ATP8A2: variants seen among roughly 807,000 people sequenced by gnomAD.
ATP8A2 encodes the protein phospholipid-transporting ATPase IB.
ATP8A2 carries 100 observed loss-of-function variants against 165.6 expected under a neutral mutation model. The ratio of observed to expected loss-of-function variants is 0.60; its 90% CI spans 0.51 to 0.71. The LOEUF is 0.71. Among genes scored for constraint, ATP8A2 ranks in the 30% least tolerant of loss-of-function variants. The pLI is 0.00. For missense variants in ATP8A2, 1,227 were observed against 1,479.5 expected (o/e 0.83, Z 2.80); for synonymous variants, 543 against 548.8 (o/e 0.99, Z 0.15).
chr13:25,839,698 T>C, intron 30 of ATP8A2, 74 bp downstream of exon 30: 1 of 1,280,438 alleles, frequency 7.8e-7, no homozygotes, highest in Non-Finnish European at 1.1e-6. Flanking sequence ...TCACAATTTT[T>C]TTTTCCAGTT....
chr13:25,859,150 C>T (rs1005955309), intron 30 of ATP8A2, among the ~76,000 whole-genome samples: 5 of 151,788 alleles, frequency 3.3e-5, no homozygotes, highest in Non-Finnish European at 2.9e-5. Context: ...TGCAGTGACC[C>T]GAGATTGTAC....
rs529300576 is a variant in ATP8A2, at chr13:25,424,150, A to G, written c.77-44827A>G. 1.3e-4 allele frequency among the ~76,000 whole-genome samples: 20 copies of G among 152,236 alleles called. 2 individuals are homozygous for G. The South Asian group carries it at 4.0e-3, about 30-fold the overall frequency. Reference sequence around the variant, plus strand: ...GGACCTTCTGTGACATGCTCAGGAGAAGAAACCTCTTCTGTGGGCCCAGCA... The same window carrying G: ...GGACCTTCTGTGACATGCTCAGGAGGAGAAACCTCTTCTGTGGGCCCAGCA... On this transcript the variant is annotated intron_variant, in intron 1 of 36. Coordinates refer to ENST00000381655, the MANE Select transcript of ATP8A2 (RefSeq NM_016529.6).
At chr13:25,779,437 G>T (rs984865725) in intron 27 of ATP8A2, among the ~76,000 whole-genome samples, 1 of 151,950 alleles carries the variant, frequency 6.6e-6, no homozygotes, top group African/African-American at 2.4e-5. Flanking sequence ...TTCCCTGTGT[G>T]TCTGCACTGG....
chr13:26,005,773 C>A (rs537713260), intron 35 of ATP8A2, among the ~76,000 whole-genome samples: 1 of 152,006 alleles, frequency 6.6e-6, no homozygotes, highest in South Asian at 2.1e-4. Context: ...AGAGATTATT[C>A]TTTTATTATT....
intron 24 of ATP8A2, among the ~76,000 whole-genome samples, chr13:25,647,974 C>T (rs749684007): frequency 6.6e-6 from 1 of 152,146 alleles, no homozygotes; most frequent in Non-Finnish European, 1.5e-5. Flanking sequence ...CAGACATGAG[C>T]CACTGCACCC....
At chr13:25,980,523 T>G (rs1956154865) in intron 35 of ATP8A2, among the ~76,000 whole-genome samples, 1 of 152,084 alleles carries the variant, frequency 6.6e-6, no homozygotes, top group Non-Finnish European at 1.5e-5. Flanking sequence ...CTAAGAGATC[T>G]AAGAGGCAGC....
At chr13:25,600,238 C>T (rs2040347282) in intron 24 of ATP8A2, among the ~76,000 whole-genome samples, 1 of 152,160 alleles carries the variant, frequency 6.6e-6, no homozygotes, top group Non-Finnish European at 1.5e-5. Context: ...AAGGGAATTG[C>T]GAGCAGACAA....
chr13:26,000,437 A>G (rs1340312575), intron 35 of ATP8A2, among the ~76,000 whole-genome samples: 1 of 152,196 alleles, frequency 6.6e-6, no homozygotes, highest in Non-Finnish European at 1.5e-5. Flanking sequence ...TGTGGACACA[A>G]GAGTTTATTT....
chr13:25,417,590 T>G (rs1342984607), intron 1 of ATP8A2, among the ~76,000 whole-genome samples: 1 of 152,266 alleles, frequency 6.6e-6, no homozygotes, highest in Non-Finnish European at 1.5e-5. Context: ...CAATTTAGAC[T>G]TGTTAGGATA....
chr13:25,793,146 G>T (rs1233603219), intron 27 of ATP8A2, among the ~76,000 whole-genome samples: 1 of 152,196 alleles, frequency 6.6e-6, no homozygotes, highest in Non-Finnish European at 1.5e-5. Context: ...TTTCACAGCA[G>T]TGCTTGCAAT....
At chr13:25,960,500 G>A (rs1000855811) in intron 33 of ATP8A2, among the ~76,000 whole-genome samples, 2 of 152,010 alleles carry the variant, frequency 1.3e-5, no homozygotes, top group Admixed American at 1.3e-4. Context: ...TATTCCAGTA[G>A]GACCAAATGT....
At chr13:25,895,394 T>A in intron 33 of ATP8A2, among the ~76,000 whole-genome samples, 1 of 152,250 alleles carries the variant, frequency 6.6e-6, no homozygotes, top group East Asian at 1.9e-4. Context: ...CACTTGATCA[T>A]GGTGGATAAG....
intron 1 of ATP8A2, among the ~76,000 whole-genome samples, chr13:25,376,540 C>T (rs6491042): frequency 0.99 from 151,135 of 152,374 alleles, 74,977 homozygotes; most frequent in Middle Eastern, 1. Flanking sequence ...ATTCATTTAC[C>T]TCTGTTACAG....
intron 30 of ATP8A2, among the ~76,000 whole-genome samples, chr13:25,847,503 G>A (rs1294124543): frequency 2.0e-5 from 3 of 152,160 alleles, no homozygotes; most frequent in Non-Finnish European, 2.9e-5. Flanking sequence ...TAAACTCTGT[G>A]TTGCGCGTAT....
intron 24 of ATP8A2, among the ~76,000 whole-genome samples, chr13:25,643,631 G>A (rs2041594204): frequency 6.6e-6 from 1 of 151,914 alleles, no homozygotes; most frequent in South Asian, 2.1e-4. Context: ...CTTTTTTTGT[G>A]TGAGTATCAT....
chr13:25,420,114 T>TA (rs1169282443), intron 1 of ATP8A2, among the ~76,000 whole-genome samples: 3 of 152,210 alleles, frequency 2.0e-5, no homozygotes, highest in Non-Finnish European at 4.4e-5. Context: ...CGTTCAGACT[T>TA]AATATTGGGA....
intron 1 of ATP8A2, among the ~76,000 whole-genome samples, chr13:25,456,207 A>T (rs1292515215): frequency 1.3e-5 from 2 of 152,108 alleles, no homozygotes; most frequent in East Asian, 3.9e-4. Context: ...AATCTCTCCA[A>T]CCAATCACCC....
chr13:25,539,067 G>GTA (rs1202085916), intron 7 of ATP8A2, among the ~76,000 whole-genome samples: 2 of 125,206 alleles, frequency 1.6e-5, no homozygotes. Context: ...TTTAGTGTGT[G>GTA]TGTGTGTGTG....
chr13:25,927,233 A>C, intron 33 of ATP8A2: 1 of 456,704 alleles, frequency 2.2e-6, no homozygotes, highest in South Asian at 1.5e-5. Context: ...CACACACTGG[A>C]AACTGCATCT....
Sources: allele counts gnomAD v4.1 joint callset (sites outside exome capture counted in the v4.1 genomes callset), GRCh38; gene constraint gnomAD v4.1.1; transcripts MANE v1.5; gene names NCBI Gene and HGNC (gene_info 2026-07-23, HGNC 2026-07-21).